Variants in SYN3 observed in about 807,000 individuals in gnomAD.
SYN3 encodes synapsin III.
In SYN3, 35 loss-of-function variants were observed where a neutral mutation model predicts 65.8. The observed-to-expected ratio is 0.53, with a 90% confidence interval of 0.41 to 0.70. The LOEUF is 0.70. Ranked by LOEUF, SYN3 falls within the 30% of genes least tolerant of loss-of-function variation. The pLI is 0.00. For missense variants in SYN3, 680 were observed against 749.0 expected (o/e 0.91, Z 1.08); for synonymous variants, 270 against 292.9 (o/e 0.92, Z 0.80).
At chr22:33,023,140 AG>A (rs2053586221) in intron 1 of SYN3, among the ~76,000 whole-genome samples, 1 of 152,100 alleles carries the variant, frequency 6.6e-6, no homozygotes. Flanking sequence ...GCTTGAGTCC[AG>A]GAGTTTGAGA....
chr22:33,005,328 TG>T (rs2053168919), intron 2 of SYN3, among the ~76,000 whole-genome samples: 1 of 152,208 alleles, frequency 6.6e-6, no homozygotes, highest in African/African-American at 2.4e-5. Context: ...TGTATTCCTC[TG>T]CTCTGGATGC....
intron 6 of SYN3, among the ~76,000 whole-genome samples, chr22:32,722,636 C>T (rs2061135891): frequency 6.6e-6 from 1 of 152,188 alleles, no homozygotes; most frequent in Non-Finnish European, 1.5e-5. Flanking sequence ...CCACGGGGCT[C>T]CACCCGTACC....
At position 32,508,244 on chromosome 22, in the gene SYN3, T is replaced by G. The variant is rs562293048; in HGVS notation, c.*5448A>C. ...TTCCTGCCCCACCTTAACTGAGTGA[T>G]TAACCCTGTAAATTTCCTTCTTCTG... On this transcript the variant is annotated 3_prime_UTR_variant, in exon 14 of 14. Transcript: ENST00000358763. 6.6e-6 allele frequency among the ~76,000 whole-genome samples: 1 copy of G among 152,298 alleles called. No individual in the cohort carries two copies. Among genetic ancestry groups the G allele is most frequent in the Non-Finnish European group, 1.5e-5 (1 of 68,020 alleles).
chr22:32,638,002 T>C (rs532966804), intron 6 of SYN3, among the ~76,000 whole-genome samples: 191 of 152,276 alleles, frequency 1.3e-3, no homozygotes, highest in African/African-American at 4.5e-3. Flanking sequence ...TCAGTGACTA[T>C]TGTTGTCATC....
chr22:32,841,686 G>T (rs2047907536), intron 6 of SYN3, among the ~76,000 whole-genome samples: 1 of 58 alleles, frequency 0.017, no homozygotes, highest in Non-Finnish European at 0.033. Context: ...GCCTGTTGGT[G>T]GGTGGGGTAG....
Position 32,846,558 on chromosome 22 carries a change from T to G in SYN3, c.711+18357A>C, listed in dbSNP as rs375279997. Among the ~76,000 whole-genome samples, 3 of 152,226 alleles carry G rather than the reference T, an allele frequency of 2.0e-5. No homozygotes were observed. The East Asian group carries it at 5.8e-4, about 29-fold the overall frequency. On this transcript the variant is annotated intron_variant, in intron 6 of 13. Coordinates refer to ENST00000358763, the MANE Select transcript of SYN3 (RefSeq NM_003490.4). ...TAATACGACCCTCACAGCAACTTTA[T>G]GAGGCATTGTTTCATCATTCCCATC...
At chr22:32,706,690 C>A (rs1368469497) in intron 6 of SYN3, among the ~76,000 whole-genome samples, 1 of 152,246 alleles carries the variant, frequency 6.6e-6, no homozygotes, top group Non-Finnish European at 1.5e-5. Flanking sequence ...TAATTTGCAG[C>A]ACACTGACTT....
At chr22:32,515,821 T>C (rs1369091219) in intron 13 of SYN3, among the ~76,000 whole-genome samples, 1 of 151,918 alleles carries the variant, frequency 6.6e-6, no homozygotes, top group Non-Finnish European at 1.5e-5. Flanking sequence ...TTTTTCGAGA[T>C]GGAGTCTTGC....
chr22:32,799,072 T>C (rs747223752), intron 6 of SYN3, among the ~76,000 whole-genome samples: 1 of 152,156 alleles, frequency 6.6e-6, no homozygotes, highest in Non-Finnish European at 1.5e-5. Flanking sequence ...TCTTACATAT[T>C]ATTAGGCTCA....
chr22:32,918,873 C>T (rs61145160), intron 4 of SYN3, among the ~76,000 whole-genome samples: 2,922 of 152,264 alleles, frequency 0.019, 113 homozygotes, highest in African/African-American at 0.067. Context: ...AGTGACTGAT[C>T]GAAGGCCTTG....
At position 32,566,333 on chromosome 22, in the gene SYN3, C is replaced by T. The variant is rs147615842; in HGVS notation, c.775-24620G>A. ...CTCAGTAGGTGCACGTGGCTGATGG[C>T]TACCAAACTGGACAGTGCAAGATGG... On this transcript the variant is annotated intron_variant, in intron 7 of 13. Coordinates refer to ENST00000358763, the MANE Select transcript of SYN3 (RefSeq NM_003490.4). Among the ~76,000 whole-genome samples the T allele has an allele frequency of 3.8e-3, 576 of 152,164 alleles. 2 individuals are homozygous for T. Among genetic ancestry groups the T allele is most frequent in the African/African-American group, 0.013 (548 of 41,508 alleles).
chr22:32,749,644 A>G (rs570806848), intron 6 of SYN3, among the ~76,000 whole-genome samples: 12 of 152,232 alleles, frequency 7.9e-5, no homozygotes, highest in African/African-American at 2.9e-4. Flanking sequence ...TCATCTCAAC[A>G]ACAACAACAA....
rs12157570 is a variant in SYN3, at chr22:32,949,719, T to C, written c.370-18238A>G. ...CATGTCTAGTTACTAATAATTGCAT[T>C]TGCGATGATAATCATGTTGATGACA... On this transcript the variant is annotated intron_variant, in intron 3 of 13. Transcript: ENST00000358763. Among the ~76,000 whole-genome samples, 1,495 of 152,276 alleles carry C rather than the reference T, an allele frequency of 9.8e-3. 23 individuals are homozygous for C. Among genetic ancestry groups the C allele is most frequent in the African/African-American group, 0.034 (1,428 of 41,546 alleles).
intron 1 of SYN3, among the ~76,000 whole-genome samples, chr22:33,018,279 C>T (rs1403305912): frequency 2.0e-5 from 3 of 152,124 alleles, no homozygotes; most frequent in Admixed American, 6.5e-5. Flanking sequence ...CACAGGATAT[C>T]GCTCCAATGC....
intron 3 of SYN3, among the ~76,000 whole-genome samples, chr22:32,936,348 C>A (rs1003736616): frequency 3.9e-5 from 6 of 152,282 alleles, no homozygotes; most frequent in African/African-American, 1.4e-4. Flanking sequence ...AGGCAGTTTC[C>A]AGGCAGCAGA....
intron 1 of SYN3, among the ~76,000 whole-genome samples, chr22:33,051,167 C>A (rs904151959): frequency 6.6e-6 from 1 of 152,102 alleles, no homozygotes; most frequent in Non-Finnish European, 1.5e-5. Context: ...CAAGCCTGGC[C>A]TAGAACACAG....
In SYN3 at chr22:32,697,173, A is replaced by G. The variant is rs892022994; in HGVS notation, c.712-100437T>C. Among the ~76,000 whole-genome samples the G allele has an allele frequency of 3.3e-5, 5 of 152,184 alleles. 1 individual carries two copies. The East Asian group carries it at 9.6e-4, about 29-fold the overall frequency. ...CTCCTGCTTTAAATGCCCTGATCTAAGTGGGCCACTCTATTAAAATCCACC... is the reference window on the plus strand; with the variant it reads ...CTCCTGCTTTAAATGCCCTGATCTAGGTGGGCCACTCTATTAAAATCCACC... On this transcript the variant is annotated intron_variant, in intron 6 of 13. Coordinates refer to ENST00000358763, the MANE Select transcript of SYN3 (RefSeq NM_003490.4).
At chr22:32,603,228 GCTGGC>G (rs1277400182) in intron 6 of SYN3, among the ~76,000 whole-genome samples, 1 of 151,832 alleles carries the variant, frequency 6.6e-6, no homozygotes, top group Non-Finnish European at 1.5e-5. Context: ...AAAACACAGC[GCTGGC>G]CGGGCGCGGT....
chr22:33,003,765 A>C (rs1019914772), intron 2 of SYN3, among the ~76,000 whole-genome samples: 1 of 152,222 alleles, frequency 6.6e-6, no homozygotes, highest in Admixed American at 6.5e-5. Flanking sequence ...CAAGGAGCCG[A>C]ATGTTTATTA....
Sources: allele counts gnomAD v4.1 joint callset (sites outside exome capture counted in the v4.1 genomes callset), GRCh38; gene constraint gnomAD v4.1.1; transcripts MANE v1.5; gene names NCBI Gene and HGNC (gene_info 2026-07-23, HGNC 2026-07-21).